The following SDHB variants were observed in gnomAD, a reference collection of about 807,000 sequenced individuals.
The protein encoded by SDHB is succinate dehydrogenase complex iron sulfur subunit B.
Under a neutral mutation model 39.7 loss-of-function variants are expected in SDHB, and 21 were observed. That is an observed-to-expected ratio of 0.53 (90% CI 0.37 to 0.76). SDHB has a LOEUF of 0.76. Ranked by LOEUF, SDHB falls within the 30% of genes least tolerant of loss-of-function variation. The pLI is 0.00. For synonymous variants in SDHB, 118 were observed against 117.0 expected (o/e 1.01, Z -0.06); for missense variants, 343 against 350.9 (o/e 0.98, Z 0.18).
chr1:17,026,454 T>C (rs2077991461), intron 5 of SDHB, among the ~76,000 whole-genome samples: 1 of 152,156 alleles, frequency 6.6e-6, no homozygotes, highest in Non-Finnish European at 1.5e-5. Context: ...AACCTCCACC[T>C]CCCGGGTTCA....
Position 17,018,969 on chromosome 1 carries a change from G to C in SDHB, c.766-11C>G. 4 of 1,596,254 alleles carry C rather than the reference G, an allele frequency of 2.5e-6. No homozygotes were observed. Among genetic ancestry groups the C allele is most frequent in the Non-Finnish European group, 3.4e-6 (4 of 1,165,362 alleles). ...CCCTGGATTCAGACCCTTGAAAAAA[G>C]AGAAAAGAATCAATAACAAATGATA... On this transcript the variant is annotated splice_polypyrimidine_tract_variant and intron_variant, in intron 7 of 7. Coordinates refer to ENST00000375499, the MANE Select transcript of SDHB (RefSeq NM_003000.3).
At chr1:17,049,301 CTTTT>C (rs1000965442) in intron 1 of SDHB, among the ~76,000 whole-genome samples, 1 of 149,602 alleles carries the variant, frequency 6.7e-6, no homozygotes, top group Admixed American at 6.7e-5. Flanking sequence ...CTAACTTGGA[CTTTT>C]TTTTTTCTTT....
chr1:17,027,566 C>A (rs2077998005), intron 5 of SDHB, 183 bp downstream of exon 5: 2 of 628,996 alleles, frequency 3.2e-6, no homozygotes, highest in Admixed American at 2.2e-5. Flanking sequence ...CCACTCTGGG[C>A]CATTCACGGG....
At chr1:17,029,010 G>A (rs1285356620) in intron 3 of SDHB, among the ~76,000 whole-genome samples, 3 of 151,406 alleles carry the variant, frequency 2.0e-5, no homozygotes, top group East Asian at 3.9e-4. Context: ...GAGGAGGCCA[G>A]AGGCCTGGGC....
At chr1:17,020,034 AG>A (rs1254148980) in intron 7 of SDHB, among the ~76,000 whole-genome samples, 1 of 152,366 alleles carries the variant, frequency 6.6e-6, no homozygotes, top group East Asian at 1.9e-4. Flanking sequence ...ATGTGATATA[AG>A]AAAGACAGAA....
At position 17,024,013 on chromosome 1, in the gene SDHB, C is replaced by A; in HGVS notation, c.602G>T (p.Trp201Leu). ...AGGCCCCAGATATTTGTCTCCGTTCCACCAGTAGCTGGGGCAGCTGGTGCT... is the reference window on the plus strand; with the variant it reads ...AGGCCCCAGATATTTGTCTCCGTTCAACCAGTAGCTGGGGCAGCTGGTGCT... ...CCSTSCPSYW[W>L]NGDKYLGPAV... Residue 201 changes from tryptophan to leucine, a missense_variant, in exon 6 of 8, where the codon TGG becomes TTG. Trp to Leu is a moderately conservative substitution (Grantham distance 61). Coordinates refer to ENST00000375499, the MANE Select transcript of SDHB (RefSeq NM_003000.3). 6.2e-7 allele frequency: 1 copy of A among 1,614,036 alleles called. No homozygotes were observed. The highest frequency in any genetic ancestry group is 8.5e-7 in the Non-Finnish European group (1 of 1,179,996).
rs367683142 is a variant in SDHB, at chr1:17,028,555, C to T, written c.423+45G>A. 6.6e-5 allele frequency: 106 copies of T among 1,605,940 alleles called. No individual in the cohort carries two copies. In the African/African-American group the frequency reaches 1.3e-3, roughly 20 times the overall value. On this transcript the variant is annotated intron_variant, in intron 4 of 7. Transcript: ENST00000375499. Reference sequence around the variant, plus strand: ...AATAGCGTAACACACATAGCACTGCCCCCCATGCAAATAAAAACAAAACCA... The same window carrying T: ...AATAGCGTAACACACATAGCACTGCTCCCCATGCAAATAAAAACAAAACCA...
Position 17,027,758 on chromosome 1 carries a change from A to C in SDHB, c.531T>G (p.Arg177=). Residue 177 remains arginine, a synonymous_variant, in exon 5 of 8, where the codon CGT becomes CGG. Transcript: ENST00000375499. ...AATAGGGACTAATGACCAGTTTCTC[A>C]CGCTCTTCTATGGACTGCAGATACT... ...KQQYLQSIEE[R]EKLDGLYECI... is the part of the protein sequence containing the mutation. 1.3e-6 allele frequency: 2 copies of C among 1,582,386 alleles called. No homozygotes were observed. The highest frequency in any genetic ancestry group is 2.2e-5 in the South Asian group (2 of 90,440).
chr1:17,039,415 CAAA>C (rs34561776), intron 2 of SDHB, among the ~76,000 whole-genome samples: 3 of 86,400 alleles, frequency 3.5e-5, no homozygotes, highest in Non-Finnish European at 4.2e-5. Context: ...CCTGTCTCTA[CAAA>C]AAAAAAAAAA....
At chr1:17,040,403 G>C (rs1235505420) in intron 2 of SDHB, among the ~76,000 whole-genome samples, 1 of 152,044 alleles carries the variant, frequency 6.6e-6, no homozygotes, top group African/African-American at 2.4e-5. Flanking sequence ...TATTTATTTT[G>C]CCTTTTCTTT....
At chr1:17,043,814 C>T (rs1195889098) in intron 2 of SDHB, among the ~76,000 whole-genome samples, 1 of 152,224 alleles carries the variant, frequency 6.6e-6, no homozygotes, top group Non-Finnish European at 1.5e-5. Flanking sequence ...CCTCAGCTTA[C>T]AGTCAGCAGA....
intron 2 of SDHB, among the ~76,000 whole-genome samples, chr1:17,042,432 T>C (rs979418345): frequency 2.0e-5 from 3 of 152,158 alleles, no homozygotes; most frequent in Admixed American, 6.6e-5. Flanking sequence ...TGAGAGCTAC[T>C]GTGACAAAAC....
At chr1:17,020,075 A>G (rs1010986185) in intron 7 of SDHB, among the ~76,000 whole-genome samples, 7 of 152,240 alleles carry the variant, frequency 4.6e-5, no homozygotes, top group African/African-American at 1.4e-4. Flanking sequence ...TGTGCAGCAT[A>G]AAACACCTCT....
chr1:17,043,625 T>C (rs11203285), intron 2 of SDHB, among the ~76,000 whole-genome samples: 64,000 of 152,044 alleles, frequency 0.42, 15,121 homozygotes, highest in Non-Finnish European at 0.54. Context: ...ACTAACTTGC[T>C]AGATTCTTTC....
rs772551056 is a variant in SDHB, at chr1:17,044,824, C to A, written c.137G>T (p.Arg46Leu). 2 of 1,613,968 alleles carry A rather than the reference C, an allele frequency of 1.2e-6. No homozygotes were observed. The highest frequency in any genetic ancestry group is 1.7e-6 in the Non-Finnish European group (2 of 1,179,970). Residue 46 changes from arginine (R) to leucine (L), a missense_variant, in exon 2 of 8, where the codon CGA becomes CTA. Coordinates refer to ENST00000375499, the MANE Select transcript of SDHB (RefSeq NM_003000.3). ...GTCTCCAGCCTTGTCTGGGTCCCAT[C>A]GATAGATGGCAAATTTCTTGATACG... ...APRIKKFAIY[R>L]WDPDKAGDKP... is the part of the protein sequence containing the mutation.
chr1:17,043,788 G>A (rs925653554), intron 2 of SDHB, among the ~76,000 whole-genome samples: 4 of 152,206 alleles, frequency 2.6e-5, no homozygotes, highest in Non-Finnish European at 5.9e-5. Flanking sequence ...GGCAGCCTCT[G>A]GAAGCTTGGA....
intron 2 of SDHB, among the ~76,000 whole-genome samples, chr1:17,036,809 C>T (rs2078052983): frequency 6.9e-6 from 1 of 144,138 alleles, no homozygotes; most frequent in East Asian, 2.0e-4. Context: ...TATATGTATA[C>T]ACACACACAC....
At chr1:17,043,250 C>T (rs570706586) in intron 2 of SDHB, among the ~76,000 whole-genome samples, 5 of 152,106 alleles carry the variant, frequency 3.3e-5, no homozygotes, top group South Asian at 2.1e-4. Flanking sequence ...CATGAGCCAC[C>T]GCGCCCGGCC....
chr1:17,042,788 A>G (rs1337044092), intron 2 of SDHB, among the ~76,000 whole-genome samples: 1 of 148,408 alleles, frequency 6.7e-6, no homozygotes, highest in African/African-American at 2.4e-5. Flanking sequence ...AAAAAAAGGA[A>G]TTTAACTCTT....
Sources: allele counts gnomAD v4.1 joint callset (sites outside exome capture counted in the v4.1 genomes callset), GRCh38; gene constraint gnomAD v4.1.1; transcripts MANE v1.5; gene names NCBI Gene and HGNC (gene_info 2026-07-23, HGNC 2026-07-21).